Variants in ENTREP2 observed in about 807,000 individuals in gnomAD.
ENTREP2 encodes protein ENTREP2.
At chr15:29,299,715 CT>C in the ENTREP2 span, among the ~76,000 whole-genome samples, 1 of 152,140 alleles carries the variant, frequency 6.6e-6, no homozygotes, top group East Asian at 1.9e-4. Context: ...TTTAACTATA[CT>C]TTTATTCTAT....
At chr15:29,216,627 T>C in the ENTREP2 span, among the ~76,000 whole-genome samples, 1 of 152,188 alleles carries the variant, frequency 6.6e-6, no homozygotes, top group Non-Finnish European at 1.5e-5. Context: ...GTCATTTTGT[T>C]ACACCCGAGC....
chr15:29,625,293 C>T, the ENTREP2 span, among the ~76,000 whole-genome samples: 1 of 152,138 alleles, frequency 6.6e-6, no homozygotes, highest in Non-Finnish European at 1.5e-5. Context: ...TGGGTTGTTT[C>T]CACTGTTTGG....
At chr15:29,452,154 TTTA>T in the ENTREP2 span, among the ~76,000 whole-genome samples, 1 of 152,192 alleles carries the variant, frequency 6.6e-6, no homozygotes, top group African/African-American at 2.4e-5. Flanking sequence ...TAACACACAC[TTTA>T]TTGACACTAA....
At chr15:29,289,408 C>T in the ENTREP2 span, among the ~76,000 whole-genome samples, 2 of 152,028 alleles carry the variant, frequency 1.3e-5, no homozygotes, top group South Asian at 4.2e-4. Flanking sequence ...CTGACAACAT[C>T]AAGTGCGGGT....
chr15:29,506,170 A>C, the ENTREP2 span, among the ~76,000 whole-genome samples: 1 of 152,128 alleles, frequency 6.6e-6, no homozygotes, highest in Admixed American at 6.5e-5. Flanking sequence ...CAGAGATTGA[A>C]GATTAACTTA....
At chr15:29,404,549 C>T in the ENTREP2 span, among the ~76,000 whole-genome samples, 8 of 151,956 alleles carry the variant, frequency 5.3e-5, no homozygotes, top group Admixed American at 6.6e-5. Context: ...GCCTTGGCCG[C>T]CCCCTTGCTT....
At chr15:29,634,117 C>A in the ENTREP2 span, among the ~76,000 whole-genome samples, 1 of 152,082 alleles carries the variant, frequency 6.6e-6, no homozygotes, top group Admixed American at 6.6e-5. Flanking sequence ...GCCCTGGAGA[C>A]GAGGTCTTCA....
chr15:29,327,858 T>G, the ENTREP2 span, among the ~76,000 whole-genome samples: 9 of 152,204 alleles, frequency 5.9e-5, no homozygotes, highest in Non-Finnish European at 1.0e-4. Context: ...CTTATAGGAA[T>G]GTAAAACAGC....
the ENTREP2 span, among the ~76,000 whole-genome samples, chr15:29,200,464 C>T: frequency 1.3e-5 from 2 of 152,138 alleles, no homozygotes; most frequent in African/African-American, 4.8e-5. Context: ...GCGTGAGCCA[C>T]CACACCTCGT....
chr15:29,421,975 T>G, the ENTREP2 span, among the ~76,000 whole-genome samples: 1 of 152,116 alleles, frequency 6.6e-6, no homozygotes, highest in Non-Finnish European at 1.5e-5. Flanking sequence ...GAACTCAGAA[T>G]GAGGACATGG....
chr15:29,430,655 C>A, the ENTREP2 span, among the ~76,000 whole-genome samples: 4 of 147,572 alleles, frequency 2.7e-5, no homozygotes, highest in African/African-American at 8.0e-5. Flanking sequence ...ATCTCAAAAA[C>A]AAACAAACAA....
the ENTREP2 span, among the ~76,000 whole-genome samples, chr15:29,318,615 C>T: frequency 1.1e-4 from 16 of 152,096 alleles, no homozygotes; most frequent in African/African-American, 3.4e-4. Flanking sequence ...CCACCACGCC[C>T]GGCCAAATTA....
the ENTREP2 span, chr15:29,233,810 T>A: frequency 6.4e-7 from 1 of 1,572,574 alleles, no homozygotes; most frequent in Non-Finnish European, 8.8e-7. Flanking sequence ...CTGCCTTTGT[T>A]CACTGTCTGG....
chr15:29,138,787 C>T, the ENTREP2 span, among the ~76,000 whole-genome samples: 1 of 151,856 alleles, frequency 6.6e-6, no homozygotes, highest in Non-Finnish European at 1.5e-5. Flanking sequence ...CATTAGAAAA[C>T]AGTGAGGTCT....
chr15:29,324,077 A>G, the ENTREP2 span, among the ~76,000 whole-genome samples: 3 of 151,220 alleles, frequency 2.0e-5, no homozygotes, highest in East Asian at 5.8e-4. Context: ...GAAGTGAACA[A>G]CAACAAAAAA....
chr15:29,646,013 G>A, the ENTREP2 span, among the ~76,000 whole-genome samples: 2 of 152,146 alleles, frequency 1.3e-5, no homozygotes, highest in African/African-American at 2.4e-5. Context: ...CAGGGCAAAT[G>A]TCAGATTTAT....
chr15:29,393,749 TAA>T, the ENTREP2 span, among the ~76,000 whole-genome samples: 1 of 151,306 alleles, frequency 6.6e-6, no homozygotes, highest in Non-Finnish European at 1.5e-5. Flanking sequence ...TATTTTTTTT[TAA>T]ATTAACAAAT....
At chr15:29,448,592 G>C in the ENTREP2 span, among the ~76,000 whole-genome samples, 157 of 152,322 alleles carry the variant, frequency 1.0e-3, no homozygotes, top group Middle Eastern at 3.4e-3. Context: ...CTGTGAGGCA[G>C]AGAAACCATC....
At chr15:29,233,600 A>C in the ENTREP2 span, 2 of 663,008 alleles carry the variant, frequency 3.0e-6, no homozygotes, top group Non-Finnish European at 2.6e-6. Flanking sequence ...ATAAGACCAT[A>C]ATCAAAATGA....
Sources: gnomAD v4.1 joint callset for allele counts (sites outside exome capture counted in the v4.1 genomes callset) on GRCh38, gnomAD v4.1.1 for gene constraint, MANE v1.5 for transcripts, NCBI Gene and HGNC (gene_info 2026-07-23, HGNC 2026-07-21) for gene names.